The following CROCC2 variants were observed in gnomAD, a reference collection of about 807,000 sequenced individuals.
CROCC2 encodes ciliary rootlet coiled-coil, rootletin family member 2.
Under a neutral mutation model 177.6 loss-of-function variants are expected in CROCC2, and 163 were observed. The observed-to-expected ratio is 0.92, with a 90% CI of 0.81 to 1.05. CROCC2 has a LOEUF of 1.05. Ranked by LOEUF, CROCC2 falls within the 50% of genes least tolerant of loss-of-function variation. The pLI is 0.00. For synonymous variants in CROCC2, 904 were observed against 787.3 expected (o/e 1.15, Z -2.48); for missense variants, 1,929 against 1,797.8 (o/e 1.07, Z -1.32).
At chr2:240,974,740 T>C (rs1228797556) in intron 27 of CROCC2, among the ~76,000 whole-genome samples, 2 of 152,182 alleles carry the variant, frequency 1.3e-5, no homozygotes, top group African/African-American at 4.8e-5. Flanking sequence ...GCTTGGGCTT[T>C]CTCTTTAATA....
chr2:240,938,106 T>C (rs2059480054), intron 14 of CROCC2, among the ~76,000 whole-genome samples: 1 of 152,242 alleles, frequency 6.6e-6, no homozygotes, highest in East Asian at 1.9e-4. Flanking sequence ...AACAGACTGA[T>C]ACACCTGGGG....
chr2:240,989,525 C>A, intron 29 of CROCC2, 129 bp from the exon 30 acceptor site: 3 of 877,416 alleles, frequency 3.4e-6, no homozygotes, highest in Non-Finnish European at 5.1e-6. Flanking sequence ...CAGTCCTGGC[C>A]AGGTCAACAC....
chr2:240,959,199 A>G, intron 19 of CROCC2, 102 bp from the exon 20 acceptor site: 1 of 1,344,992 alleles, frequency 7.4e-7, no homozygotes, highest in Non-Finnish European at 9.9e-7. Context: ...TCCCCCTCCC[A>G]GGCCACTGCA....
chr2:240,955,662 G>T (rs2059585802), intron 18 of CROCC2, among the ~76,000 whole-genome samples, 197 bp from the exon 19 acceptor site: 1 of 152,174 alleles, frequency 6.6e-6, no homozygotes. Flanking sequence ...GGGTGAAAGG[G>T]CCCAGGGCCC....
rs561090582 is a variant in CROCC2, at chr2:240,949,179, G to T, written c.2482+82G>T. 2 of 1,453,904 alleles carry T rather than the reference G, an allele frequency of 1.4e-6. No individual in the cohort carries two copies. The highest frequency in any genetic ancestry group is 2.9e-5 in the African/African-American group (2 of 70,132). The allele number at this position is 1,453,904 out of a possible 1,614,324, so 90.1% of individuals were successfully genotyped here. Reference sequence around the variant, plus strand: ...CTGGAATGGAGCTCAGTGCCCACACGTGCTGCACCCCCTCTCCGGAGCCCA... The same window carrying T: ...CTGGAATGGAGCTCAGTGCCCACACTTGCTGCACCCCCTCTCCGGAGCCCA... On this transcript the variant is annotated intron_variant, in intron 16 of 31. Coordinates refer to ENST00000690015, the MANE Select transcript of CROCC2 (RefSeq NM_001351305.2). The surrounding 1 kb of genome is among the most constrained non-coding windows in gnomAD (Gnocchi z 4.5).
At chr2:240,957,774 G>T (rs2059602208) in intron 19 of CROCC2, among the ~76,000 whole-genome samples, 1 of 152,134 alleles carries the variant, frequency 6.6e-6, no homozygotes, top group Non-Finnish European at 1.5e-5. Context: ...ACCCTGCTCT[G>T]TTCCTGCCCC....
In CROCC2 at chr2:240,949,458, C is replaced by A; in HGVS notation, c.2483-75C>A. 6.7e-7 allele frequency: 1 copy of A among 1,491,992 alleles called. No homozygotes were observed. The highest frequency in any genetic ancestry group is 9.1e-7 in the Non-Finnish European group (1 of 1,104,370). 92.4% of individuals were successfully genotyped at this position (1,491,992 alleles called of 1,614,324 possible). A position where few individuals can be genotyped will look rare whatever the true frequency, so the allele number is the denominator to read the frequency against. On this transcript the variant is annotated intron_variant, in intron 16 of 31. Coordinates refer to ENST00000690015, the MANE Select transcript of CROCC2 (RefSeq NM_001351305.2). The surrounding 1 kb of genome is among the most constrained non-coding windows in gnomAD (Gnocchi z 4.5). ...GGACAGTGCTTGCCCCCAAGACTGT[C>A]ACTCCCTAGGAAGTCCCAAAGGGTT...
At chr2:240,914,420 C>A (rs533500900) in intron 1 of CROCC2, among the ~76,000 whole-genome samples, 133 of 152,344 alleles carry the variant, frequency 8.7e-4, no homozygotes, top group African/African-American at 3.0e-3. Flanking sequence ...CCTTCACTCT[C>A]GTGGACACAC....
rs55896940 is a variant in CROCC2, at chr2:240,975,719, CTTTTTT to C, written c.4402-7139_4402-7134del. Among the ~76,000 whole-genome samples the C allele has an allele frequency of 2.9e-3, 252 of 88,022 alleles. 11 individuals carry two copies. The highest frequency in any genetic ancestry group is 0.015 in the Middle Eastern group (2 of 130). 57.7% of individuals were successfully genotyped at this position (88,022 alleles called of 152,430 possible). A position where few individuals can be genotyped will look rare whatever the true frequency, so the allele number is the denominator to read the frequency against. On this transcript the variant is annotated intron_variant, in intron 27 of 31. Coordinates refer to ENST00000690015, the MANE Select transcript of CROCC2 (RefSeq NM_001351305.2). ...CAGAATCCAGCATCCAACCAGCCTGCTTTTTTTTTTTTTTTTTTTTTTTTTTTGAGA... is the reference window on the plus strand; with the variant it reads ...CAGAATCCAGCATCCAACCAGCCTGCTTTTTTTTTTTTTTTTTTTTTGAGA...
intron 18 of CROCC2, chr2:240,955,526 G>C: frequency 3.9e-6 from 1 of 258,288 alleles, no homozygotes; most frequent in Non-Finnish European, 7.4e-6. Flanking sequence ...GGCTCATGAA[G>C]GCCCCCAAAC....
intron 15 of CROCC2, among the ~76,000 whole-genome samples, chr2:240,948,281 T>C (rs1262116488): frequency 6.6e-6 from 1 of 152,020 alleles, no homozygotes; most frequent in Non-Finnish European, 1.5e-5. Flanking sequence ...CCCAGAAGGC[T>C]TGGATGTGCT....
At chr2:240,957,740 T>A in intron 19 of CROCC2, 1 of 153,758 alleles carries the variant, frequency 6.5e-6, no homozygotes, top group Non-Finnish European at 1.4e-5. Flanking sequence ...CAGGGGAGAC[T>A]TGCCCCTCAC....
At chr2:240,919,249 T>C (rs2059342585) in intron 2 of CROCC2, among the ~76,000 whole-genome samples, 1 of 151,982 alleles carries the variant, frequency 6.6e-6, no homozygotes, top group South Asian at 2.1e-4. Flanking sequence ...ATCATATCGA[T>C]ACCCACAGGG....
At chr2:240,914,997 T>G (rs980069214) in intron 1 of CROCC2, among the ~76,000 whole-genome samples, 1 of 152,194 alleles carries the variant, frequency 6.6e-6, no homozygotes, top group African/African-American at 2.4e-5. Flanking sequence ...AAGCCAAGAC[T>G]CGGGTTTTTC....
At position 240,991,270 on chromosome 2, in the gene CROCC2, G is replaced by A. The variant is rs1241950817; in HGVS notation, c.4938G>A (p.Gln1646=). The change falls in exon 31 of 32, where the codon CAG becomes CAA. Residue 1646 remains glutamine, a synonymous_variant. Coordinates refer to ENST00000690015, the MANE Select transcript of CROCC2 (RefSeq NM_001351305.2). ...AGGCCCACCTCGGCCAGGCCTTCCA[G>A]ACAGGACAGTGAGCCCTGCTGCATA... ...RQQAHLGQAF[Q]TGHAQRD 6.5e-7 allele frequency: 1 copy of A among 1,548,406 alleles called. No homozygotes were observed. The highest frequency in any genetic ancestry group is 1.4e-5 in the African/African-American group (1 of 73,050).
intron 27 of CROCC2, among the ~76,000 whole-genome samples, chr2:240,974,534 C>CT (rs61276773): frequency 0.45 from 60,526 of 134,642 alleles, 14,314 homozygotes; most frequent in East Asian, 0.52. Flanking sequence ...TCTTTTTTTT[C>CT]TTTTTTTTTT....
intron 30 of CROCC2, among the ~76,000 whole-genome samples, chr2:240,990,498 TC>T (rs2059870602): frequency 1.3e-5 from 2 of 152,164 alleles, no homozygotes; most frequent in Admixed American, 6.5e-5. Flanking sequence ...CAAGTTAGGG[TC>T]CCCAACCACC....
intron 27 of CROCC2, among the ~76,000 whole-genome samples, chr2:240,974,822 A>T (rs1363633777): frequency 6.6e-6 from 1 of 152,036 alleles, no homozygotes; most frequent in African/African-American, 2.4e-5. Context: ...TTTTGATGTG[A>T]GTTCTTTTCC....
intron 7 of CROCC2, among the ~76,000 whole-genome samples, chr2:240,931,992 A>G (rs1257001403): frequency 6.6e-6 from 1 of 152,274 alleles, no homozygotes; most frequent in Non-Finnish European, 1.5e-5. Flanking sequence ...CTCCAGGCAG[A>G]AGGACTGGCC....
Sources: gnomAD v4.1 joint callset for allele counts (sites outside exome capture counted in the v4.1 genomes callset) on GRCh38, gnomAD v4.1.1 for gene constraint, Gnocchi (gnomAD v3.1) non-coding constraint, MANE v1.5 for transcripts, NCBI Gene and HGNC (gene_info 2026-07-23, HGNC 2026-07-21) for gene names.